TMEM204: variants seen among roughly 807,000 people sequenced by gnomAD.
TMEM204 encodes the protein claudin-like protein 24.
Under a neutral mutation model 19.4 loss-of-function variants are expected in TMEM204, and 15 were observed. The observed-to-expected ratio is 0.77, with a 90% CI of 0.52 to 1.19. TMEM204 has a LOEUF of 1.19. TMEM204 is among the 50% of genes most tolerant of loss of function. TMEM204 has a pLI of 0.00. For synonymous variants in TMEM204, 161 were observed against 146.0 expected, an observed-to-expected ratio of 1.10 and a Z score of -0.74; for missense variants, 287 against 321.2, an observed-to-expected ratio of 0.89 and a Z score of 0.81.
chr16:1,544,742 G>A (rs902505905), intron 2 of TMEM204, among the ~76,000 whole-genome samples: 19 of 151,692 alleles, frequency 1.3e-4, no homozygotes, highest in African/African-American at 3.1e-4. Flanking sequence ...TCCGCCTCCC[G>A]GGTTCACGCC....
intron 2 of TMEM204, among the ~76,000 whole-genome samples, chr16:1,550,706 G>A (rs891672505): frequency 1.3e-5 from 2 of 152,220 alleles, no homozygotes; most frequent in Non-Finnish European, 2.9e-5. Context: ...AGTCTGGAGA[G>A]CCTTCCCTGC....
At chr16:1,540,119 C>T (rs982418158) in intron 1 of TMEM204, among the ~76,000 whole-genome samples, 6 of 152,126 alleles carry the variant, frequency 3.9e-5, no homozygotes, top group African/African-American at 1.4e-4. Flanking sequence ...GCTGGGACGC[C>T]GAAAGCCTAG....
chr16:1,531,016 C>G (rs2030426148), upstream of TMEM204: 1 of 152,316 alleles, frequency 6.6e-6, no homozygotes, highest in African/African-American at 2.4e-5. The surrounding 1 kb of genome is among the most constrained non-coding windows in gnomAD (Gnocchi z 4.7). Flanking sequence ...GACCCAGGCG[C>G]TCTCTGCAAG....
rs914478573 is a variant in TMEM204 at position 1,553,499 on chromosome 16, G to A, written c.437-1283G>A. ...CGGAGGGACAGCAGTGGGGCTCGGC[G>A]TGGCCGGAGCCTGGGGAGGGACATG... On this transcript the variant is annotated intron_variant, in intron 2 of 2. Coordinates refer to ENST00000566264, the MANE Select transcript of TMEM204 (RefSeq NM_024600.6). This position sits in a 1 kb window ranked among gnomAD's most constrained non-coding sequence, Gnocchi z 4.4. 1.1e-5 allele frequency: 11 copies of A among 985,370 alleles called. No individual in the cohort carries two copies. In the Admixed American group the frequency reaches 1.8e-4, roughly 17 times the overall value. 61.0% of individuals were successfully genotyped at this position (985,370 alleles called of 1,614,324 possible).
intron 1 of TMEM204, among the ~76,000 whole-genome samples, chr16:1,538,045 G>A (rs1238554827): frequency 5.9e-5 from 9 of 152,122 alleles, no homozygotes; most frequent in African/African-American, 9.7e-5. Flanking sequence ...GCAGAGCCAC[G>A]CACACAGGCA....
At position 1,534,006 on chromosome 16, in the gene TMEM204, C is replaced by T; in HGVS notation, c.-270C>T. ...GACGGCGCACTCCTGGCCCTGGGTT[C>T]TTGCTGCTGCCCACCCTCTGCTCCC... On this transcript the variant is annotated 5_prime_UTR_variant, in exon 1 of 3. Transcript: ENST00000566264. 1.0e-5 allele frequency: 5 copies of T among 496,002 alleles called. No individual in the cohort carries two copies. Among genetic ancestry groups the T allele is most frequent in the Non-Finnish European group, 7.0e-6 (2 of 284,938 alleles). 30.7% of individuals were successfully genotyped at this position (496,002 alleles called of 1,614,324 possible).
At chr16:1,530,577 C>G (rs934215693), upstream of TMEM204, 1 of 152,174 alleles carries the variant, frequency 6.6e-6, no homozygotes, top group Non-Finnish European at 1.5e-5. Context: ...TGGTTCCTTC[C>G]GTCCACATCC....
In TMEM204 at chr16:1,534,225, G is replaced by A. The variant is rs373405458; in HGVS notation, c.-51G>A. On this transcript the variant is annotated 5_prime_UTR_variant, in exon 1 of 3. Coordinates refer to ENST00000566264, the MANE Select transcript of TMEM204 (RefSeq NM_024600.6). ...GTCGGCTCTCCCTGGACGTGCGGCC[G>A]CGGACTGGGACTTGGCTTTCTCCGG... is the stretch of plus-strand genomic sequence containing the variant. 3.9e-5 allele frequency: 63 copies of A among 1,596,308 alleles called. No individual in the cohort carries two copies. The highest frequency in any genetic ancestry group is 5.4e-5 in the African/African-American group (4 of 74,292).
chr16:1,542,170 G>A, intron 2 of TMEM204, 94 bp downstream of exon 2: 5 of 1,344,704 alleles, frequency 3.7e-6, no homozygotes, highest in Non-Finnish European at 4.9e-6. Flanking sequence ...GGCCTGGGGG[G>A]AAGCTGCAGG....
intron 1 of TMEM204, among the ~76,000 whole-genome samples, chr16:1,539,183 G>A (rs1016138421): frequency 9.5e-5 from 14 of 148,046 alleles, no homozygotes; most frequent in Non-Finnish European, 1.5e-4. Context: ...GCCGCCCCAC[G>A]CCTTGGGCCT....
chr16:1,554,417 G>A lies in TMEM204; in HGVS notation c.437-365G>A, dbSNP rs549050830. ...CTAGGAAAGGCCCCCCCAAGTTGGT[G>A]TTGCAAGCATCAGTGCTGACCTGAA... On this transcript the variant is annotated intron_variant, in intron 2 of 2. Coordinates refer to ENST00000566264, the MANE Select transcript of TMEM204 (RefSeq NM_024600.6). 3.3e-5 allele frequency among the ~76,000 whole-genome samples: 5 copies of A among 152,364 alleles called. No homozygotes were observed. The East Asian group carries it at 9.6e-4, about 29-fold the overall frequency.
At chr16:1,531,333 C>T (rs989086620), upstream of TMEM204, 1 of 152,230 alleles carries the variant, frequency 6.6e-6, no homozygotes, top group Non-Finnish European at 1.5e-5. This position sits in a 1 kb window ranked among gnomAD's most constrained non-coding sequence, Gnocchi z 4.7. Context: ...TGCAGAAGCT[C>T]TGCCGAGACC....
chr16:1,554,834 C>T lies in TMEM204; in HGVS notation c.489C>T (p.Thr163=), dbSNP rs1388370119. The change falls in exon 3 of 3, where the codon ACC becomes ACT. Residue 163 remains threonine, a synonymous_variant. Coordinates refer to ENST00000566264, the MANE Select transcript of TMEM204 (RefSeq NM_024600.6). The stretch of plus-strand genomic sequence containing the variant: ...CTTTCTACAGAATTGGCCCATACAC[C>T]AACCTGTCCTGGTCCTGCTACCTGA... ...LVTFYRIGPY[T]NLSWSCYLNI... 3.7e-6 allele frequency: 6 copies of T among 1,614,200 alleles called. No individual in the cohort carries two copies. The highest frequency in any genetic ancestry group is 5.1e-6 in the Non-Finnish European group (6 of 1,180,032).
chr16:1,534,340 A>G lies in TMEM204; in HGVS notation c.65A>G (p.Asn22Ser). 3.1e-6 allele frequency: 5 copies of G among 1,612,726 alleles called. No homozygotes were observed. Among genetic ancestry groups the G allele is most frequent in the Non-Finnish European group, 4.2e-6 (5 of 1,179,842 alleles). The change falls in exon 1 of 3, where the codon AAC (asparagine) becomes AGC (serine). Residue 22 changes from asparagine to serine, a missense_variant. Coordinates refer to ENST00000566264, the MANE Select transcript of TMEM204 (RefSeq NM_024600.6). ...GCCCTGGTCTCACTCATCCTCAACA[A>G]CGTGGCGGCCTTCACCTCCAACTGG... ...LVALVSLILN[N>S]VAAFTSNWVC... is the part of the protein sequence containing the mutation.
chr16:1,553,336 C>G lies in TMEM204; in HGVS notation c.437-1446C>G, dbSNP rs1206271356. On this transcript the variant is annotated intron_variant, in intron 2 of 2. Transcript: ENST00000566264. This position sits in a 1 kb window ranked among gnomAD's most constrained non-coding sequence, Gnocchi z 4.4. ...TCTCTGTGTCTCTGTCCCTGTGTCT[C>G]TTTTTCTCCCATCCTCTCTCGATGC... 8.1e-6 allele frequency: 8 copies of G among 985,242 alleles called. No homozygotes were observed. Among genetic ancestry groups the G allele is most frequent in the Non-Finnish European group, 8.4e-6 (7 of 829,934 alleles). 61.0% of individuals were successfully genotyped at this position (985,242 alleles called of 1,614,324 possible). A position where few individuals can be genotyped will look rare whatever the true frequency, so the allele number is the denominator to read the frequency against.
At chr16:1,536,122 T>C (rs1299218617) in intron 1 of TMEM204, among the ~76,000 whole-genome samples, 1 of 152,198 alleles carries the variant, frequency 6.6e-6, no homozygotes, top group East Asian at 1.9e-4. Flanking sequence ...CAGCCGGCCC[T>C]TGGCCGCAGC....
chr16:1,549,649 C>T (rs969773285), intron 2 of TMEM204, among the ~76,000 whole-genome samples: 2 of 152,136 alleles, frequency 1.3e-5, no homozygotes, highest in African/African-American at 4.8e-5. Context: ...CCAGGCTGGT[C>T]TCAAACTCCT....
intron 2 of TMEM204, among the ~76,000 whole-genome samples, chr16:1,546,202 G>A (rs1463197440): frequency 6.6e-6 from 1 of 152,230 alleles, no homozygotes; most frequent in African/African-American, 2.4e-5. Flanking sequence ...GCCTCTGATG[G>A]CTGCAGCCAC....
Position 1,551,799 on chromosome 16 carries a change from T to C in TMEM204, c.437-2983T>C, listed in dbSNP as rs574427796. Reference sequence around the variant, plus strand: ...CCGGCAGATCCGGCAAGATCAACTCTGCGGGACCTCCCACCCGGGCTGGTT... The same window carrying C: ...CCGGCAGATCCGGCAAGATCAACTCCGCGGGACCTCCCACCCGGGCTGGTT... On this transcript the variant is annotated intron_variant, in intron 2 of 2. Coordinates refer to ENST00000566264, the MANE Select transcript of TMEM204 (RefSeq NM_024600.6). This position sits in a 1 kb window ranked among gnomAD's most constrained non-coding sequence, Gnocchi z 4.0. 3.2e-4 allele frequency among the ~76,000 whole-genome samples: 49 copies of C among 152,304 alleles called. No homozygotes were observed. The South Asian group carries it at 9.7e-3, about 30-fold the overall frequency.
Sources: gnomAD v4.1 joint callset for allele counts (sites outside exome capture counted in the v4.1 genomes callset) on GRCh38, gnomAD v4.1.1 for gene constraint, Gnocchi (gnomAD v3.1) non-coding constraint, MANE v1.5 for transcripts, NCBI Gene and HGNC (gene_info 2026-07-23, HGNC 2026-07-21) for gene names.